Variants in ANKS1A observed in about 807,000 individuals in gnomAD.
ANKS1A encodes ankyrin repeat and sterile alpha motif domain containing 1A.
Under a neutral mutation model 120.3 loss-of-function variants are expected in ANKS1A, and 55 were observed. The ratio of observed to expected loss-of-function variants is 0.46; its 90% CI spans 0.37 to 0.57. The LOEUF (loss-of-function observed/expected upper bound fraction) is 0.57. Among genes scored for constraint, ANKS1A ranks in the 20% least tolerant of loss-of-function variants. ANKS1A has a pLI of 0.00. For synonymous variants in ANKS1A, 590 were observed against 604.7 expected (o/e 0.98, Z 0.36); for missense variants, 1,123 against 1,480.3 (o/e 0.76, Z 3.96).
intron 13 of ANKS1A, among the ~76,000 whole-genome samples, chr6:35,072,552 TG>T (rs1473752972): frequency 2.0e-5 from 3 of 152,236 alleles, no homozygotes; most frequent in Non-Finnish European, 2.9e-5. Flanking sequence ...AGAGTCAGGC[TG>T]GCCCTTGGCA....
intron 11 of ANKS1A, among the ~76,000 whole-genome samples, chr6:35,045,569 C>T (rs1421056962): frequency 6.6e-6 from 1 of 152,198 alleles, no homozygotes; most frequent in African/African-American, 2.4e-5. Context: ...CCAGTACATT[C>T]GAAATCCTAT....
intron 1 of ANKS1A, among the ~76,000 whole-genome samples, chr6:34,911,456 G>T (rs576490072): frequency 2.0e-5 from 3 of 151,436 alleles, no homozygotes; most frequent in East Asian, 1.9e-4. Flanking sequence ...GGATAACAGT[G>T]GGGGGGATCC....
chr6:34,893,775 A>C, intron 1 of ANKS1A, among the ~76,000 whole-genome samples: 1 of 152,218 alleles, frequency 6.6e-6, no homozygotes, highest in African/African-American at 2.4e-5. Context: ...GGCTGTTTGA[A>C]GCTATTAACA....
rs774448371 is a variant in ANKS1A, at chr6:35,086,455, T to C, written c.3304-497T>C. 3 of 903,306 alleles carry C rather than the reference T, an allele frequency of 3.3e-6. No homozygotes were observed. Among genetic ancestry groups the C allele is most frequent in the Non-Finnish European group, 4.7e-6 (3 of 636,206 alleles). 56.0% of individuals were successfully genotyped at this position (903,306 alleles called of 1,614,324 possible). ...GCCTCTGGCGGCCTCTCCCTCTGCC[T>C]GTGTGACATTCTTTCCCCTCTTCCT... On this transcript the variant is annotated intron_variant, in intron 22 of 23. Coordinates refer to ENST00000360359, the MANE Select transcript of ANKS1A (RefSeq NM_015245.3). The surrounding 1 kb of genome is among the most constrained non-coding windows in gnomAD (Gnocchi z 5.1).
intron 1 of ANKS1A, among the ~76,000 whole-genome samples, chr6:34,912,199 A>G (rs1218130715): frequency 6.6e-6 from 1 of 152,230 alleles, no homozygotes; most frequent in Non-Finnish European, 1.5e-5. Flanking sequence ...GTAAGTAACT[A>G]TAATTAGTTA....
intron 9 of ANKS1A, among the ~76,000 whole-genome samples, chr6:34,991,535 AAT>A (rs1219856069): frequency 4.6e-4 from 52 of 112,834 alleles, no homozygotes; most frequent in East Asian, 3.4e-3. Context: ...GGAAAAAAAA[AAT>A]ATATACACAC....
At chr6:34,983,082 C>G in intron 5 of ANKS1A, 31 bp from the exon 6 acceptor site, 1 of 1,599,126 alleles carries the variant, frequency 6.3e-7, no homozygotes. Flanking sequence ...AAAATGCTCA[C>G]TCCCCTGGTC....
chr6:35,078,788 C>T (rs1033068000), intron 14 of ANKS1A, 132 bp downstream of exon 14: 47 of 791,240 alleles, frequency 5.9e-5, no homozygotes, highest in Non-Finnish European at 8.5e-5. Flanking sequence ...CTACCCCTCA[C>T]CCTAGGAGCT....
intron 11 of ANKS1A, among the ~76,000 whole-genome samples, chr6:35,037,028 C>T (rs747610150): frequency 8.5e-5 from 13 of 152,222 alleles, no homozygotes; most frequent in Non-Finnish European, 1.6e-4. Context: ...CATGTGAGCA[C>T]ACAGTTATGA....
intron 11 of ANKS1A, among the ~76,000 whole-genome samples, chr6:35,045,457 C>T (rs1290817052): frequency 2.0e-5 from 3 of 152,124 alleles, no homozygotes; most frequent in Non-Finnish European, 4.4e-5. Context: ...TCCAAGGTTC[C>T]ACAACTAATT....
intron 16 of ANKS1A, among the ~76,000 whole-genome samples, chr6:35,080,209 G>A (rs928059471): frequency 1.3e-5 from 2 of 150,526 alleles, no homozygotes; most frequent in South Asian, 2.1e-4. Context: ...GGGAGGGGCC[G>A]AGTCAGGTAA....
intron 1 of ANKS1A, among the ~76,000 whole-genome samples, chr6:34,892,771 TTTGC>T (rs1453956668): frequency 6.6e-6 from 1 of 152,236 alleles, no homozygotes; most frequent in Non-Finnish European, 1.5e-5. Flanking sequence ...TGTAGTGTAC[TTTGC>T]TTGCCTAGCT....
At chr6:34,969,953 T>C in intron 2 of ANKS1A, 57 bp from the exon 3 acceptor site, 1 of 1,585,480 alleles carries the variant, frequency 6.3e-7, no homozygotes, top group South Asian at 1.2e-5. Flanking sequence ...TGTAAAGAGC[T>C]GTTAGCTGGA....
chr6:34,905,492 G>A (rs541397251), intron 1 of ANKS1A, among the ~76,000 whole-genome samples: 2 of 150,998 alleles, frequency 1.3e-5, no homozygotes, highest in Admixed American at 6.6e-5. Flanking sequence ...CACTTCTTGA[G>A]CACTTAATAC....
chr6:35,086,404 C>A lies in ANKS1A; in HGVS notation c.3303+468C>A, dbSNP rs1777983775. 7.8e-7 allele frequency: 1 copy of A among 1,277,688 alleles called. No individual in the cohort carries two copies. Among genetic ancestry groups the A allele is most frequent in the Non-Finnish European group, 1.0e-6 (1 of 977,028 alleles). 79.1% of individuals were successfully genotyped at this position (1,277,688 alleles called of 1,614,324 possible). ...CTCCTGCTGTCTTGTGTGTCAGTCT[C>A]CCCGAAGTGACCGTGAGCGCTCTTA... On this transcript the variant is annotated intron_variant, in intron 22 of 23. Coordinates refer to ENST00000360359, the MANE Select transcript of ANKS1A (RefSeq NM_015245.3). The surrounding 1 kb of genome is among the most constrained non-coding windows in gnomAD (Gnocchi z 5.1).
intron 3 of ANKS1A, among the ~76,000 whole-genome samples, chr6:34,974,587 T>C (rs2127518904): frequency 6.6e-6 from 1 of 152,180 alleles, no homozygotes; most frequent in Non-Finnish European, 1.5e-5. Context: ...AGTGATAGAG[T>C]GAAAAACTCA....
chr6:34,904,582 A>C (rs1767543779), intron 1 of ANKS1A, among the ~76,000 whole-genome samples: 1 of 152,112 alleles, frequency 6.6e-6, no homozygotes, highest in Admixed American at 6.5e-5. Context: ...AAATACAAAA[A>C]TTAGCTGTGT....
chr6:34,892,197 C>G (rs984537853), intron 1 of ANKS1A, among the ~76,000 whole-genome samples: 1 of 152,176 alleles, frequency 6.6e-6, no homozygotes, highest in African/African-American at 2.4e-5. Context: ...CCTCTCATTC[C>G]TGTGACTCCT....
At position 35,082,031 on chromosome 6, in the gene ANKS1A, C is replaced by T. The variant is rs1406829432; in HGVS notation, c.2710-660C>T. On this transcript the variant is annotated intron_variant, in intron 17 of 23. Transcript: ENST00000360359. The surrounding 1 kb of genome is among the most constrained non-coding windows in gnomAD (Gnocchi z 4.1). Reference sequence around the variant, plus strand: ...ATGAGTTTTAAAGGATTTTTAAACACATTGTCCAGCAATTCCGGTTGCTGT... The same window carrying T: ...ATGAGTTTTAAAGGATTTTTAAACATATTGTCCAGCAATTCCGGTTGCTGT... Among the ~76,000 whole-genome samples the T allele has an allele frequency of 6.6e-6, 1 of 152,200 alleles. No homozygotes were observed. Among genetic ancestry groups the T allele is most frequent in the Non-Finnish European group, 1.5e-5 (1 of 68,030 alleles).
Sources: allele counts gnomAD v4.1 joint callset (sites outside exome capture counted in the v4.1 genomes callset), GRCh38; gene constraint gnomAD v4.1.1; non-coding constraint Gnocchi (gnomAD v3.1); transcripts MANE v1.5; gene names NCBI Gene and HGNC (gene_info 2026-07-23, HGNC 2026-07-21).